The following PALM2AKAP2 variants were observed in gnomAD, a reference collection of about 807,000 sequenced individuals.
The protein encoded by PALM2AKAP2 is PALM2-AKAP2 fusion protein.
PALM2AKAP2 carries 37 observed loss-of-function variants against 71.5 expected under a neutral mutation model. The observed-to-expected ratio is 0.52, with a 90% confidence interval of 0.40 to 0.68. PALM2AKAP2 has a LOEUF of 0.68. Among genes scored for constraint, PALM2AKAP2 ranks in the 30% least tolerant of loss-of-function variants. The pLI, the probability that PALM2AKAP2 is intolerant of heterozygous loss-of-function variation, is 0.00. For missense variants in PALM2AKAP2, 1,224 were observed against 1,191.8 expected (o/e 1.03, Z -0.40); for synonymous variants, 468 against 478.8 (o/e 0.98, Z 0.29).
chr9:110,007,153 T>C (rs541207331), intron 6 of PALM2AKAP2, among the ~76,000 whole-genome samples: 2 of 152,302 alleles, frequency 1.3e-5, no homozygotes, highest in East Asian at 3.9e-4. Context: ...TCTGTGTCCA[T>C]CTTGGGACAT....
intron 1 of PALM2AKAP2, among the ~76,000 whole-genome samples, chr9:109,842,952 C>T (rs1013194817): frequency 6.6e-6 from 1 of 151,926 alleles, no homozygotes; most frequent in African/African-American, 2.4e-5. Flanking sequence ...ACCAGACCGA[C>T]CAACGTGGAG....
intron 1 of PALM2AKAP2, among the ~76,000 whole-genome samples, chr9:110,135,331 A>G (rs1315859357): frequency 8.0e-6 from 1 of 124,590 alleles, no homozygotes; most frequent in Non-Finnish European, 1.7e-5. Context: ...AAAAGCCCTC[A>G]AGACAAAAAA....
At chr9:110,063,606 A>AT (rs150451097) in intron 1 of PALM2AKAP2, among the ~76,000 whole-genome samples, 27,072 of 150,752 alleles carry the variant, frequency 0.18, 2,535 homozygotes, top group Admixed American at 0.21. Context: ...CGCCCAGCTA[A>AT]TTTTTTTTTG....
chr9:109,742,934 C>G (rs967468584), intron 1 of PALM2AKAP2, among the ~76,000 whole-genome samples: 1 of 152,180 alleles, frequency 6.6e-6, no homozygotes, highest in Non-Finnish European at 1.5e-5. Flanking sequence ...TGCCAAGACC[C>G]AGGAGCCACC....
intron 3 of PALM2AKAP2, among the ~76,000 whole-genome samples, chr9:109,892,469 G>C (rs776613922): frequency 1.3e-5 from 2 of 152,184 alleles, no homozygotes; most frequent in Non-Finnish European, 2.9e-5. Flanking sequence ...GGGTTAGGGT[G>C]TGGACATATC....
chr9:109,861,071 C>T (rs1225190996), intron 1 of PALM2AKAP2, among the ~76,000 whole-genome samples: 2 of 152,226 alleles, frequency 1.3e-5, no homozygotes, highest in African/African-American at 4.8e-5. Flanking sequence ...GGTCCCTTCC[C>T]ACTGCTGTGC....
chr9:109,795,688 G>A (rs1226475944), intron 1 of PALM2AKAP2, among the ~76,000 whole-genome samples: 4 of 152,206 alleles, frequency 2.6e-5, no homozygotes, highest in Admixed American at 1.3e-4. Context: ...TGGCATACAC[G>A]TGTAAGGAAC....
chr9:109,707,240 T>G (rs925355898), intron 1 of PALM2AKAP2, among the ~76,000 whole-genome samples: 4 of 152,030 alleles, frequency 2.6e-5, no homozygotes. Context: ...TGCCAGCATT[T>G]GAATCCATTT....
chr9:110,163,005 C>T (rs757687346), intron 3 of PALM2AKAP2, among the ~76,000 whole-genome samples: 11 of 152,156 alleles, frequency 7.2e-5, no homozygotes, highest in Non-Finnish European at 1.3e-4. Context: ...AGCCACTGTT[C>T]TCGGTCCCCA....
chr9:109,977,563 C>T (rs1564242532), intron 6 of PALM2AKAP2, among the ~76,000 whole-genome samples: 1 of 152,072 alleles, frequency 6.6e-6, no homozygotes, highest in African/African-American at 2.4e-5. Context: ...TCCACAGGGG[C>T]CAAATTACAC....
intron 1 of PALM2AKAP2, among the ~76,000 whole-genome samples, chr9:109,857,015 G>T (rs12686028): frequency 6.6e-6 from 1 of 152,102 alleles, no homozygotes; most frequent in Non-Finnish European, 1.5e-5. Flanking sequence ...TGAGAACTGC[G>T]AGCAGCCAAT....
At chr9:110,036,272 C>A (rs1833408379) in intron 7 of PALM2AKAP2, among the ~76,000 whole-genome samples, 1 of 151,960 alleles carries the variant, frequency 6.6e-6, no homozygotes, top group Non-Finnish European at 1.5e-5. Flanking sequence ...TCCTAGAAAC[C>A]CTGATCAAGT....
chr9:109,652,804 G>A (rs1187753110), intron 1 of PALM2AKAP2, among the ~76,000 whole-genome samples: 1 of 152,130 alleles, frequency 6.6e-6, no homozygotes, highest in African/African-American at 2.4e-5. Context: ...AACATAGTTG[G>A]TCAGGTAATT....
At chr9:110,053,806 T>C (rs1833769704) in intron 1 of PALM2AKAP2, among the ~76,000 whole-genome samples, 1 of 152,122 alleles carries the variant, frequency 6.6e-6, no homozygotes, top group Admixed American at 6.5e-5. Context: ...GAAGGATGCA[T>C]GAACTCGTTG....
intron 1 of PALM2AKAP2, among the ~76,000 whole-genome samples, chr9:109,804,578 T>G (rs992609907): frequency 6.6e-6 from 1 of 152,208 alleles, no homozygotes. Flanking sequence ...TGAAGTTAAT[T>G]TGTCAATTTC....
At chr9:109,671,709 A>T (rs1827576730) in intron 1 of PALM2AKAP2, among the ~76,000 whole-genome samples, 1 of 152,120 alleles carries the variant, frequency 6.6e-6, no homozygotes, top group African/African-American at 2.4e-5. Flanking sequence ...AATGATATTG[A>T]TTCTTCTTAT....
intron 2 of PALM2AKAP2, among the ~76,000 whole-genome samples, chr9:110,139,234 C>A (rs1261035768): frequency 6.6e-6 from 1 of 152,080 alleles, no homozygotes; most frequent in African/African-American, 2.4e-5. Context: ...TTTTTGAATA[C>A]TTTGTATAGA....
chr9:110,048,364 G>A (rs1477223571), upstream of PALM2AKAP2, among the ~76,000 whole-genome samples: 1 of 152,020 alleles, frequency 6.6e-6, no homozygotes, highest in Non-Finnish European at 1.5e-5. Context: ...ACGCCACCCC[G>A]CTCCAAAGCC....
intron 6 of PALM2AKAP2, among the ~76,000 whole-genome samples, chr9:109,997,818 C>T (rs72754938): frequency 0.075 from 11,355 of 152,196 alleles, 533 homozygotes; most frequent in East Asian, 0.16. Context: ...GGGGTTGCAT[C>T]CTGCCCTCCT....
Sources: allele counts gnomAD v4.1 joint callset (sites outside exome capture counted in the v4.1 genomes callset), GRCh38; gene constraint gnomAD v4.1.1; transcripts MANE v1.5; gene names NCBI Gene and HGNC (gene_info 2026-07-23, HGNC 2026-07-21).